Variants in KCNIP3 observed in about 807,000 individuals in gnomAD.
The protein encoded by KCNIP3 is potassium voltage-gated channel interacting protein 3.
In KCNIP3, 28 loss-of-function variants were observed where a neutral mutation model predicts 35.0. The observed-to-expected ratio is 0.80, with a 90% CI of 0.59 to 1.10. The LOEUF is 1.10. KCNIP3 is among the 50% of genes least tolerant of loss of function. The probability of loss-of-function intolerance (pLI) is 0.00; values close to 1 mark genes in which losing one functional copy is unlikely to be tolerated. For missense variants in KCNIP3, 295 were observed against 338.4 expected (o/e 0.87, Z 1.01); for synonymous variants, 134 against 133.8 (o/e 1.00, Z -0.01).
chr2:95,362,652 G>A (rs990489878), intron 2 of KCNIP3, among the ~76,000 whole-genome samples: 3 of 152,106 alleles, frequency 2.0e-5, no homozygotes, highest in Non-Finnish European at 2.9e-5. Context: ...ATTTAATGCC[G>A]CTGCTCATCT....
chr2:95,341,378 C>T (rs760227499), intron 2 of KCNIP3, among the ~76,000 whole-genome samples: 2 of 152,192 alleles, frequency 1.3e-5, no homozygotes, highest in Non-Finnish European at 2.9e-5. Flanking sequence ...GAATATACCT[C>T]TTTTCTTTAT....
At chr2:95,326,495 G>A (rs374774309) in intron 2 of KCNIP3, among the ~76,000 whole-genome samples, 1 of 152,218 alleles carries the variant, frequency 6.6e-6, no homozygotes, top group Non-Finnish European at 1.5e-5. Flanking sequence ...GCCCAACATG[G>A]CCTACAGGAC....
rs145737777 is a variant in KCNIP3 at position 95,309,404 on chromosome 2, C to A, written c.16-951C>A. On this transcript the variant is annotated intron_variant, in intron 1 of 8. Transcript: ENST00000295225. ...CCAGGAGGTTGTTTTCTGATCCACA[C>A]CGACTCAGGCACATGGCCCACTGCT... 1.1e-4 allele frequency among the ~76,000 whole-genome samples: 16 copies of A among 150,852 alleles called. No individual in the cohort carries two copies. In the East Asian group the frequency reaches 3.1e-3, roughly 30 times the overall value.
chr2:95,321,496 GAAGTTACACAC>G (rs1354739508), intron 2 of KCNIP3, among the ~76,000 whole-genome samples: 1 of 152,196 alleles, frequency 6.6e-6, no homozygotes. Flanking sequence ...GCAGAGACCA[GAAGTTACACAC>G]AAAATTGGGC....
intron 2 of KCNIP3, among the ~76,000 whole-genome samples, chr2:95,342,545 T>C (rs1679217536): frequency 6.6e-6 from 1 of 152,186 alleles, no homozygotes; most frequent in Non-Finnish European, 1.5e-5. Context: ...GATTGATTGG[T>C]TCATATGTCC....
chr2:95,347,011 C>T, intron 2 of KCNIP3: 2 of 1,600,438 alleles, frequency 1.2e-6, no homozygotes, highest in Non-Finnish European at 1.7e-6. Flanking sequence ...CCAGGCAGCC[C>T]GGCTTGCCAT....
In KCNIP3 at chr2:95,385,174, A is replaced by C. The variant is rs1326818066; in HGVS notation, c.*1125A>C. On this transcript the variant is annotated 3_prime_UTR_variant, in exon 9 of 9. Coordinates refer to ENST00000295225, the MANE Select transcript of KCNIP3 (RefSeq NM_013434.5). ...GGGAGCCCAGCACACTGCTTCTCGGAGGCCAGGCCCTCCTGCTGGCTGAGG... is the reference window on the plus strand; with the variant it reads ...GGGAGCCCAGCACACTGCTTCTCGGCGGCCAGGCCCTCCTGCTGGCTGAGG... 2.0e-5 allele frequency: 3 copies of C among 152,830 alleles called. No individual in the cohort carries two copies. Among genetic ancestry groups the C allele is most frequent in the African/African-American group, 7.2e-5 (3 of 41,454 alleles). The allele number at this position is 152,830 out of a possible 1,614,324, so 9.5% of individuals were successfully genotyped here. A position where few individuals can be genotyped will look rare whatever the true frequency, so the allele number is the denominator to read the frequency against.
intron 2 of KCNIP3, among the ~76,000 whole-genome samples, chr2:95,321,631 G>A (rs1294310615): frequency 2.6e-5 from 4 of 152,304 alleles, no homozygotes; most frequent in South Asian, 4.2e-4. Context: ...GGGGACTAAC[G>A]AACGACAGAG....
intron 2 of KCNIP3, chr2:95,310,766 C>T (rs1394144680): frequency 1.5e-5 from 8 of 524,754 alleles, no homozygotes; most frequent in Admixed American, 6.6e-5. Flanking sequence ...GACCACACTG[C>T]GGTTTTCCAG....
intron 2 of KCNIP3, among the ~76,000 whole-genome samples, chr2:95,319,340 A>T (rs1233050531): frequency 6.6e-6 from 1 of 152,088 alleles, no homozygotes; most frequent in Non-Finnish European, 1.5e-5. Context: ...TTCAAAAGAG[A>T]GGGGAATGCT....
chr2:95,322,302 C>T (rs768004082), intron 2 of KCNIP3, among the ~76,000 whole-genome samples: 4 of 152,156 alleles, frequency 2.6e-5, no homozygotes, highest in Non-Finnish European at 4.4e-5. Flanking sequence ...GTCAAGGCTG[C>T]AGTGAGCTGT....
chr2:95,310,498 C>T lies in KCNIP3; in HGVS notation c.159C>T (p.Ser53=). 6.2e-7 allele frequency: 1 copy of T among 1,613,028 alleles called. No individual in the cohort carries two copies. Among genetic ancestry groups the T allele is most frequent in the Non-Finnish European group, 8.5e-7 (1 of 1,179,858 alleles). ...MRCCLVKWIL[S]STAPQGSDSS... is the part of the protein sequence containing the mutation. Reference sequence around the variant, plus strand: ...GCTGCCTGGTCAAGTGGATCCTGTCCAGCACAGCCCCACAGGGCTCAGGTA... The same window carrying T: ...GCTGCCTGGTCAAGTGGATCCTGTCTAGCACAGCCCCACAGGGCTCAGGTA... Residue 53 remains serine (S), a synonymous_variant, in exon 2 of 9, where the codon TCC becomes TCT. Transcript: ENST00000295225.
At chr2:95,298,210 C>T (rs1677924393) in intron 1 of KCNIP3, among the ~76,000 whole-genome samples, 3 of 116,828 alleles carry the variant, frequency 2.6e-5, no homozygotes, top group African/African-American at 1.1e-4. Flanking sequence ...GTGAGCTGCT[C>T]ACACATTCAG....
intron 2 of KCNIP3, among the ~76,000 whole-genome samples, chr2:95,327,124 G>A (rs1258092573): frequency 6.6e-6 from 1 of 152,218 alleles, no homozygotes; most frequent in African/African-American, 2.4e-5. Context: ...AACAAGGAAG[G>A]CTTGAGTAGG....
chr2:95,334,338 C>T (rs1028900226), intron 2 of KCNIP3, among the ~76,000 whole-genome samples: 1 of 152,092 alleles, frequency 6.6e-6, no homozygotes, highest in East Asian at 1.9e-4. Flanking sequence ...ATGTGTGCAC[C>T]TGGTTCTCAT....
In KCNIP3 at chr2:95,381,691, C is replaced by G; in HGVS notation, c.543C>G (p.Tyr181Ter). Reference protein sequence around the residue: ...FNLYDINKDGYITKEEMLAIM... With the variant: ...FNLYDINKDG ...TCTACGACATTAACAAGGATGGCTACATCACCAAAGAGGTAGTAGGGGGCT... is the reference window on the plus strand; with the variant it reads ...TCTACGACATTAACAAGGATGGCTAGATCACCAAAGAGGTAGTAGGGGGCT... Residue 181 changes from tyrosine to a stop codon, truncating the protein, a stop_gained, in exon 6 of 9, where the codon TAC becomes TAG. Coordinates refer to ENST00000295225, the MANE Select transcript of KCNIP3 (RefSeq NM_013434.5). LOFTEE classifies it high-confidence loss of function. 6.2e-7 allele frequency: 1 copy of G among 1,612,438 alleles called. No individual in the cohort carries two copies. Among genetic ancestry groups the G allele is most frequent in the South Asian group, 1.1e-5 (1 of 91,050 alleles).
intron 2 of KCNIP3, among the ~76,000 whole-genome samples, chr2:95,354,457 G>A (rs1679605784): frequency 6.6e-6 from 1 of 152,244 alleles, no homozygotes; most frequent in African/African-American, 2.4e-5. Flanking sequence ...CTGCAGGGAG[G>A]GTCCCTCTGG....
chr2:95,331,430 A>G (rs922593260), intron 2 of KCNIP3, among the ~76,000 whole-genome samples: 1 of 152,090 alleles, frequency 6.6e-6, no homozygotes, highest in African/African-American at 2.4e-5. Flanking sequence ...AGATCCTAGC[A>G]GAGGCTTCAA....
At chr2:95,311,333 A>G (rs1678312496) in intron 2 of KCNIP3, 1 of 152,436 alleles carries the variant, frequency 6.6e-6, no homozygotes, top group Admixed American at 6.5e-5. Flanking sequence ...CCCACACACC[A>G]TGCACACTCA....
Sources: gnomAD v4.1 joint callset for allele counts (sites outside exome capture counted in the v4.1 genomes callset) on GRCh38, gnomAD v4.1.1 for gene constraint, MANE v1.5 for transcripts, NCBI Gene and HGNC (gene_info 2026-07-23, HGNC 2026-07-21) for gene names.